Variants in ASPHD1 observed in about 807,000 individuals in gnomAD.
ASPHD1 encodes the protein aspartate beta-hydroxylase domain-containing protein 1.
ASPHD1 carries 20 observed loss-of-function variants against 28.3 expected under a neutral mutation model. The observed-to-expected ratio is 0.71, with a 90% CI of 0.50 to 1.03. The LOEUF is 1.03. ASPHD1 is among the 50% of genes least tolerant of loss of function. The pLI, the probability that ASPHD1 is intolerant of heterozygous loss-of-function variation, is 0.00. For synonymous variants in ASPHD1, 240 were observed against 221.2 expected (o/e 1.08, Z -0.75); for missense variants, 479 against 524.1 (o/e 0.91, Z 0.84).
chr16:29,919,293 T>C (rs150755679), intron 3 of ASPHD1, among the ~76,000 whole-genome samples: 1 of 151,658 alleles, frequency 6.6e-6, no homozygotes, highest in East Asian at 1.9e-4. Context: ...GTAATGCTTA[T>C]GGTATTATTT....
At chr16:29,909,954 C>A (rs2068676611), downstream of ASPHD1, among the ~76,000 whole-genome samples, 2 of 151,876 alleles carry the variant, frequency 1.3e-5, no homozygotes, top group South Asian at 4.2e-4. Flanking sequence ...CAAAAATTAG[C>A]CGGGCATGGA....
downstream of ASPHD1, among the ~76,000 whole-genome samples, chr16:29,907,866 G>A (rs531191240): frequency 6.6e-6 from 1 of 151,124 alleles, no homozygotes; most frequent in Admixed American, 6.6e-5. Context: ...AGCTGGGTGT[G>A]GTGTCTCCTG....
In ASPHD1 at chr16:29,900,751, G is replaced by T; in HGVS notation, c.-221G>T. On this transcript the variant is annotated 5_prime_UTR_variant, in exon 1 of 3. Transcript: ENST00000308748. ...TGCAGGTCCAGGCAGGGTAGGAACC[G>T]CTGCCCAGGGGAGCTAGGAGGAAGC... 1.7e-6 allele frequency: 1 copy of T among 593,528 alleles called. No individual in the cohort carries two copies. The highest frequency in any genetic ancestry group is 2.1e-5 in the South Asian group (1 of 48,280). 36.8% of individuals were successfully genotyped at this position (593,528 alleles called of 1,614,324 possible).
chr16:29,906,981 C>A, downstream of ASPHD1: 2 of 1,614,180 alleles, frequency 1.2e-6, no homozygotes, highest in East Asian at 2.2e-5. Flanking sequence ...ATCCTCCCCG[C>A]GGCCAGCCCC....
In ASPHD1 at chr16:29,911,405, GA is replaced by G. The variant is rs2068706715; in HGVS notation, c.*62+5447del. The G allele has an allele frequency of 5.3e-6, 3 of 566,584 alleles. No homozygotes were observed. The South Asian group carries it at 6.9e-5, about 13-fold the overall frequency. 35.1% of individuals were successfully genotyped at this position (566,584 alleles called of 1,614,324 possible). On this transcript the variant is annotated intron_variant and NMD_transcript_variant, in intron 3 of 3. Coordinates refer to the ASPHD1 transcript ENST00000414952. The stretch of plus-strand genomic sequence containing the variant: ...CACAGCAGCTCCAGTGAGGGACCGG[GA>G]GCCAGGCCACCTCCCCGGGGGTCCT...
chr16:29,900,999 G>T lies in ASPHD1; in HGVS notation c.28G>T (p.Val10Leu). ...GAAGGAGGGGAGAGGGAGCTTCAGC[G>T]TGGAGAGAGGACCGCGGAAGGAGAG... MKEGRGSFS[V>L]ERGPRKERET... Residue 10 changes from valine to leucine, a missense_variant, in exon 1 of 3, where the codon GTG becomes TTG. Transcript: ENST00000308748. 6.4e-7 allele frequency: 1 copy of T among 1,560,802 alleles called. No homozygotes were observed. Among genetic ancestry groups the T allele is most frequent in the African/African-American group, 1.4e-5 (1 of 73,624 alleles).
rs1255447492 is a variant in ASPHD1 at position 29,905,938 on chromosome 16, T to C, written c.*41T>C. 3 of 1,396,442 alleles carry C rather than the reference T, an allele frequency of 2.1e-6. No homozygotes were observed. The highest frequency in any genetic ancestry group is 1.2e-5 in the South Asian group (1 of 85,782). 86.5% of individuals were successfully genotyped at this position (1,396,442 alleles called of 1,614,324 possible). A position where few individuals can be genotyped will look rare whatever the true frequency, so the allele number is the denominator to read the frequency against. On this transcript the variant is annotated 3_prime_UTR_variant, in exon 3 of 3. Coordinates refer to ENST00000308748, the MANE Select transcript of ASPHD1 (RefSeq NM_181718.4). ...TCACACACCCAGGCTGGAGAGACACTGCGCTCAGGGACGGCTTGATGGTAG... is the reference window on the plus strand; with the variant it reads ...TCACACACCCAGGCTGGAGAGACACCGCGCTCAGGGACGGCTTGATGGTAG...
Position 29,901,379 on chromosome 16 carries a change from C to CGGGGAAGGACCTAGG in ASPHD1, c.409_423dup (p.Gly137_Arg141dup). 6.3e-7 allele frequency: 1 copy of CGGGGAAGGACCTAGG among 1,590,674 alleles called. No homozygotes were observed. Among genetic ancestry groups the CGGGGAAGGACCTAGG allele is most frequent in the Non-Finnish European group, 8.5e-7 (1 of 1,169,900 alleles). On this transcript the variant is annotated inframe_insertion, in exon 1 of 3. Coordinates refer to ENST00000308748, the MANE Select transcript of ASPHD1 (RefSeq NM_181718.4). The surrounding 1 kb of genome is among the most constrained non-coding windows in gnomAD (Gnocchi z 5.1). ...CAAGCCCAGGGGGTCCTGGGGATCCCGGGGAAGGACCTAGGACGGAAGGCC... is the reference window on the plus strand; with the variant it reads ...CAAGCCCAGGGGGTCCTGGGGATCCCGGGGAAGGACCTAGGGGGGAAGGACCTAGGACGGAAGGCC...
At chr16:29,914,965 G>A (rs2068784041) in intron 3 of ASPHD1, 1 of 150,696 alleles carries the variant, frequency 6.6e-6, no homozygotes, top group Non-Finnish European at 1.5e-5. Context: ...AACATAGCAA[G>A]ACTCTGTCTC....
intron 3 of ASPHD1, chr16:29,911,698 G>C (rs540337867): frequency 2.8e-6 from 3 of 1,090,056 alleles, no homozygotes; most frequent in Admixed American, 4.4e-5. Flanking sequence ...CCGAATCTGC[G>C]AGCAGGCACA....
At chr16:29,906,483 G>C (rs2068614945), downstream of ASPHD1, 1 of 467,778 alleles carries the variant, frequency 2.1e-6, no homozygotes, top group African/African-American at 2.0e-5. Flanking sequence ...GGGAGGAGGG[G>C]GCGGACTACC....
At chr16:29,915,588 G>A (rs934582953) in intron 3 of ASPHD1, among the ~76,000 whole-genome samples, 3 of 150,792 alleles carry the variant, frequency 2.0e-5, no homozygotes, top group African/African-American at 4.9e-5. Flanking sequence ...GGAGGAGGAG[G>A]TTGCAGTGAG....
chr16:29,903,430 G>C (rs1184964275), intron 1 of ASPHD1, among the ~76,000 whole-genome samples: 1 of 151,812 alleles, frequency 6.6e-6, no homozygotes, highest in African/African-American at 2.4e-5. Context: ...CTCCTGCCTT[G>C]GCCTCCCAAA....
intron 1 of ASPHD1, among the ~76,000 whole-genome samples, chr16:29,903,575 C>G (rs1010686070): frequency 2.6e-5 from 4 of 152,142 alleles, no homozygotes; most frequent in African/African-American, 7.2e-5. Flanking sequence ...ATCTCCTGTG[C>G]TGCCAGCTGG....
chr16:29,902,778 G>A (rs2068564839), intron 1 of ASPHD1, among the ~76,000 whole-genome samples: 3 of 151,966 alleles, frequency 2.0e-5, no homozygotes, highest in Middle Eastern at 3.4e-3. Context: ...GCCTCCCAAA[G>A]TGCTGGGATT....
chr16:29,918,461 T>C (rs1352479033), intron 3 of ASPHD1, among the ~76,000 whole-genome samples: 1 of 152,128 alleles, frequency 6.6e-6, no homozygotes, highest in Non-Finnish European at 1.5e-5. Context: ...AGTCATTTTA[T>C]TTATTTTATT....
Position 29,900,990 on chromosome 16 carries a change from A to G in ASPHD1, c.19A>G (p.Ser7Gly). The G allele has an allele frequency of 6.4e-7, 1 of 1,555,192 alleles. No homozygotes were observed. The highest frequency in any genetic ancestry group is 8.7e-7 in the Non-Finnish European group (1 of 1,149,356). Reference protein sequence around the residue: MKEGRGSFSVERGPRKE... With the variant: MKEGRGGFSVERGPRKE... ...GAGGTGCATGAAGGAGGGGAGAGGG[A>G]GCTTCAGCGTGGAGAGAGGACCGCG... Residue 7 changes from serine (S) to glycine (G), a missense_variant, in exon 1 of 3, where the codon AGC (serine) becomes GGC (glycine). Physicochemically the swap from Ser to Gly is moderately conservative, Grantham distance 56 (BLOSUM62 0). Coordinates refer to ENST00000308748, the MANE Select transcript of ASPHD1 (RefSeq NM_181718.4).
downstream of ASPHD1, chr16:29,910,876 G>C: frequency 1.9e-6 from 2 of 1,052,608 alleles, no homozygotes; most frequent in Non-Finnish European, 2.8e-6. Context: ...TCTGGCTCCT[G>C]CCTCCTGGTG....
In ASPHD1 at chr16:29,900,671, A is replaced by C; in HGVS notation, c.-301A>C. On this transcript the variant is annotated 5_prime_UTR_variant, in exon 1 of 3. Transcript: ENST00000308748. ...GAGCGAGGGCAAGGAGAGAGCAGTG[A>C]GGCCGGAGAGAAAGAAGCTGCCGCG... 1 of 492,098 alleles carries C rather than the reference A, an allele frequency of 2.0e-6. No individual in the cohort carries two copies. Among genetic ancestry groups the C allele is most frequent in the Non-Finnish European group, 3.6e-6 (1 of 274,348 alleles). The allele number at this position is 492,098 out of a possible 1,614,324, so 30.5% of individuals were successfully genotyped here.
Sources: gnomAD v4.1 joint callset for allele counts (sites outside exome capture counted in the v4.1 genomes callset) on GRCh38, gnomAD v4.1.1 for gene constraint, Gnocchi (gnomAD v3.1) non-coding constraint, MANE v1.5 for transcripts, NCBI Gene and HGNC (gene_info 2026-07-23, HGNC 2026-07-21) for gene names.